COL28A1: variants seen among roughly 807,000 people sequenced by gnomAD.
COL28A1 encodes collagen type XXVIII alpha 1 chain, also known as collagen alpha-1(XXVIII) chain.
A neutral mutation model predicts 150.2 loss-of-function variants in COL28A1; 161 were observed. That is an observed-to-expected ratio of 1.07 (90% CI 0.94 to 1.22). The LOEUF is 1.22. Ranked by LOEUF, COL28A1 falls within the 50% of genes most tolerant of loss-of-function variation. The pLI, the probability that COL28A1 is intolerant of heterozygous loss-of-function variation, is 0.00. For missense variants in COL28A1, 1,617 were observed against 1,388.3 expected (o/e 1.16, Z -2.62); for synonymous variants, 552 against 469.7 (o/e 1.18, Z -2.26).
the COL28A1 span, among the ~76,000 whole-genome samples, chr7:7,340,558 G>A: frequency 6.6e-6 from 1 of 152,068 alleles, no homozygotes; most frequent in Non-Finnish European, 1.5e-5. Flanking sequence ...TGCGGCCGTA[G>A]GCAATTAGCT....
At chr7:7,493,225 C>T (rs1780024648) in intron 11 of COL28A1, among the ~76,000 whole-genome samples, 1 of 151,890 alleles carries the variant, frequency 6.6e-6, no homozygotes, top group African/African-American at 2.4e-5. Context: ...GGTCAGAAGG[C>T]ATCTAAATTA....
intron 21 of COL28A1, among the ~76,000 whole-genome samples, chr7:7,438,247 G>C (rs1384899649): frequency 6.6e-6 from 1 of 151,946 alleles, no homozygotes; most frequent in African/African-American, 2.4e-5. Context: ...GCAAAACGCT[G>C]TCTCAAAAAA....
chr7:7,393,010 T>C (rs1221157778), intron 27 of COL28A1, among the ~76,000 whole-genome samples: 3 of 152,194 alleles, frequency 2.0e-5, no homozygotes, highest in Non-Finnish European at 2.9e-5. Context: ...ATCAGTTTTG[T>C]TCCCTTGCTG....
chr7:7,360,311 A>G, intron 34 of COL28A1, 79 bp downstream of exon 34: 1 of 1,362,688 alleles, frequency 7.3e-7, no homozygotes, highest in South Asian at 1.8e-5. Flanking sequence ...AGATTGGCAG[A>G]TCTCTCTTTC....
At chr7:7,355,553 T>G (rs534659267), downstream of COL28A1, among the ~76,000 whole-genome samples, 13 of 152,216 alleles carry the variant, frequency 8.5e-5, 1 homozygote, top group South Asian at 2.7e-3. Context: ...GAGGTTGCAG[T>G]GAGCTGAGAT....
intron 11 of COL28A1, among the ~76,000 whole-genome samples, chr7:7,505,355 A>G (rs1780751640): frequency 6.6e-6 from 1 of 152,224 alleles, no homozygotes; most frequent in Non-Finnish European, 1.5e-5. Flanking sequence ...CGTGAAATTT[A>G]CTAAGCTTTG....
chr7:7,386,152 G>A (rs1782167869), intron 27 of COL28A1, among the ~76,000 whole-genome samples: 1 of 152,164 alleles, frequency 6.6e-6, no homozygotes, highest in South Asian at 2.1e-4. Flanking sequence ...TCAGATGACT[G>A]CTTGTTCTCT....
intron 22 of COL28A1, 114 bp downstream of exon 22, chr7:7,437,280 A>T: frequency 7.0e-7 from 1 of 1,421,290 alleles, no homozygotes; most frequent in Non-Finnish European, 9.2e-7. Flanking sequence ...AGTTAAACGG[A>T]ATCATTTCTA....
At chr7:7,426,409 A>C (rs1784644992) in intron 25 of COL28A1, among the ~76,000 whole-genome samples, 1 of 152,214 alleles carries the variant, frequency 6.6e-6, no homozygotes, top group African/African-American at 2.4e-5. Context: ...ATGTCAATGG[A>C]AGTTTTAGAG....
chr7:7,523,785 G>C lies in COL28A1; in HGVS notation c.702+444C>G, dbSNP rs576512680. On this transcript the variant is annotated intron_variant, in intron 4 of 34. Coordinates refer to ENST00000399429, the MANE Select transcript of COL28A1 (RefSeq NM_001037763.3). Reference sequence around the variant, plus strand: ...CAGGCTGCCTTTTCTTCACAATAAGGAGAATGAGCTCAAAGTCAATTGGCA... The same window carrying C: ...CAGGCTGCCTTTTCTTCACAATAAGCAGAATGAGCTCAAAGTCAATTGGCA... Among the ~76,000 whole-genome samples the C allele has an allele frequency of 1.5e-4, 23 of 152,258 alleles. No homozygotes were observed. In the East Asian group the frequency reaches 3.1e-3, roughly 20 times the overall value.
chr7:7,528,983 G>C (rs1220110171), intron 3 of COL28A1, among the ~76,000 whole-genome samples: 2 of 152,082 alleles, frequency 1.3e-5, no homozygotes, highest in Non-Finnish European at 2.9e-5. Context: ...ATTAGATAAA[G>C]AATTTTTCCA....
intron 15 of COL28A1, among the ~76,000 whole-genome samples, chr7:7,468,456 G>T (rs994562448): frequency 9.1e-6 from 1 of 110,388 alleles, no homozygotes; most frequent in Non-Finnish European, 1.8e-5. Context: ...TGAAATTGTG[G>T]CAATAATCAA....
intron 15 of COL28A1, among the ~76,000 whole-genome samples, chr7:7,461,783 G>A (rs1052409297): frequency 6.6e-5 from 10 of 152,086 alleles, no homozygotes; most frequent in Non-Finnish European, 7.3e-5. Flanking sequence ...CCTTGCTCCC[G>A]CCTAATGGTC....
chr7:7,383,682 G>A (rs946719471), intron 27 of COL28A1, among the ~76,000 whole-genome samples: 110 of 124,080 alleles, frequency 8.9e-4, no homozygotes, highest in East Asian at 2.2e-3. Flanking sequence ...GTGTGTGTGT[G>A]TATATATATA....
At chr7:7,529,592 G>C (rs907302499) in intron 3 of COL28A1, among the ~76,000 whole-genome samples, 1 of 152,282 alleles carries the variant, frequency 6.6e-6, no homozygotes, top group African/African-American at 2.4e-5. Context: ...CTACTGCCAA[G>C]AGCCTGTGTT....
chr7:7,338,839 CTGTGA>C, the COL28A1 span, among the ~76,000 whole-genome samples: 3 of 152,106 alleles, frequency 2.0e-5, no homozygotes, highest in Non-Finnish European at 4.4e-5. Context: ...GGCCAGCAGG[CTGTGA>C]CAGGGTGATA....
At chr7:7,451,770 TGGCA>T (rs1786710877) in intron 18 of COL28A1, among the ~76,000 whole-genome samples, 1 of 152,106 alleles carries the variant, frequency 6.6e-6, no homozygotes, top group Non-Finnish European at 1.5e-5. Context: ...CATGTAAAAA[TGGCA>T]GCTATTATTA....
At chr7:7,461,022 C>T (rs570590813) in intron 15 of COL28A1, among the ~76,000 whole-genome samples, 8 of 152,284 alleles carry the variant, frequency 5.3e-5, no homozygotes, top group East Asian at 1.9e-4. Context: ...AGAAAACCCA[C>T]GGACTTGCTG....
intron 14 of COL28A1, among the ~76,000 whole-genome samples, chr7:7,475,932 T>G (rs1788834384): frequency 6.6e-6 from 1 of 152,210 alleles, no homozygotes; most frequent in Admixed American, 6.5e-5. Context: ...AACAAGGGCG[T>G]CTTTTAAAAT....
Sources: gnomAD v4.1 joint callset for allele counts (sites outside exome capture counted in the v4.1 genomes callset) on GRCh38, gnomAD v4.1.1 for gene constraint, MANE v1.5 for transcripts, NCBI Gene and HGNC (gene_info 2026-07-23, HGNC 2026-07-21) for gene names.